The following CAPN13 variants were observed in gnomAD, a reference collection of about 807,000 sequenced individuals.
The protein encoded by CAPN13 is calpain 13.
Under a neutral mutation model 98.4 loss-of-function variants are expected in CAPN13, and 90 were observed. The observed-to-expected ratio is 0.92, with a 90% CI of 0.77 to 1.09. The LOEUF is 1.09. Among genes scored for constraint, CAPN13 ranks in the 50% least tolerant of loss-of-function variants. CAPN13 has a pLI of 0.00. For missense variants in CAPN13, 887 were observed against 841.3 expected, an observed-to-expected ratio of 1.05 and a Z score of -0.67; for synonymous variants, 330 against 305.5, an observed-to-expected ratio of 1.08 and a Z score of -0.84.
Position 30,732,486 on chromosome 2 carries a change from T to C in CAPN13, c.1879A>G (p.Ser627Gly), listed in dbSNP as rs1671153292. 6.2e-7 allele frequency: 1 copy of C among 1,613,368 alleles called. No homozygotes were observed. Among genetic ancestry groups the C allele is most frequent in the Non-Finnish European group, 8.5e-7 (1 of 1,179,710 alleles). ...LRYSDSVGRV[S>G]FPSLVCFLMR... Reference sequence around the variant, plus strand: ...AGGAAGCAGACCAGGCTGGGGAAGCTGACCCTGCCGACGCTGTCGCTGTAC... The same window carrying C: ...AGGAAGCAGACCAGGCTGGGGAAGCCGACCCTGCCGACGCTGTCGCTGTAC... The change falls in exon 20 of 23, where the codon AGC becomes GGC. Residue 627 changes from serine to glycine, a missense_variant. Physicochemically the swap from Ser to Gly is moderately conservative, Grantham distance 56. Coordinates refer to ENST00000295055, the MANE Select transcript of CAPN13 (RefSeq NM_144575.3).
intron 1 of CAPN13, among the ~76,000 whole-genome samples, chr2:30,806,884 AT>A (rs1209863000): frequency 6.6e-6 from 1 of 152,194 alleles, no homozygotes; most frequent in Non-Finnish European, 1.5e-5. Context: ...CCTTTAGCAA[AT>A]GTTTATTAAG....
In CAPN13 at chr2:30,776,061, A is replaced by G; in HGVS notation, c.272-16T>C. The G allele has an allele frequency of 6.4e-7, 1 of 1,574,648 alleles. No individual in the cohort carries two copies. The highest frequency in any genetic ancestry group is 8.7e-7 in the Non-Finnish European group (1 of 1,150,300). The stretch of plus-strand genomic sequence containing the variant: ...CAGCAGTCAGCTGTGAGGGGAGATA[A>G]GCCAGGAAAGGCTGATTGGACACAC... On this transcript the variant is annotated splice_polypyrimidine_tract_variant and intron_variant, in intron 3 of 22. Transcript: ENST00000295055.
At chr2:30,765,966 G>A (rs1332935511) in intron 5 of CAPN13, among the ~76,000 whole-genome samples, 1 of 152,164 alleles carries the variant, frequency 6.6e-6, no homozygotes, top group East Asian at 1.9e-4. Flanking sequence ...GTTAACTGTA[G>A]AGCCTTCTTT....
intron 1 of CAPN13, among the ~76,000 whole-genome samples, chr2:30,800,057 G>C (rs557137159): frequency 1.3e-5 from 2 of 150,386 alleles, no homozygotes; most frequent in Non-Finnish European, 2.9e-5. Context: ...CTGGGCTACA[G>C]AGTGAGACTC....
At chr2:30,767,344 T>A (rs1431323893) in intron 5 of CAPN13, among the ~76,000 whole-genome samples, 3 of 152,196 alleles carry the variant, frequency 2.0e-5, no homozygotes, top group African/African-American at 7.2e-5. Flanking sequence ...AGACATTGTA[T>A]CCTCTGCAGA....
chr2:30,730,104 CAACATCTTG>C (rs1238615215), intron 22 of CAPN13, among the ~76,000 whole-genome samples: 1 of 152,204 alleles, frequency 6.6e-6, no homozygotes, highest in East Asian at 1.9e-4. Flanking sequence ...ATGGGAACCA[CAACATCTTG>C]AGCTCCCCTG....
At chr2:30,741,863 C>T in intron 15 of CAPN13, 45 bp downstream of exon 15, 1 of 1,613,654 alleles carries the variant, frequency 6.2e-7, no homozygotes, top group South Asian at 1.1e-5. Flanking sequence ...CTCAGGTCCC[C>T]TTTCTCCAAT....
intron 15 of CAPN13, 153 bp downstream of exon 15, chr2:30,741,755 G>C: frequency 2.0e-6 from 3 of 1,490,736 alleles, no homozygotes; most frequent in East Asian, 2.5e-5. Context: ...AGCCACAGCA[G>C]TTCTGGAGAC....
chr2:30,736,938 G>A (rs1671396727), intron 17 of CAPN13, among the ~76,000 whole-genome samples: 1 of 152,182 alleles, frequency 6.6e-6, no homozygotes, highest in Non-Finnish European at 1.5e-5. Context: ...AGCCACAGGC[G>A]AGCACATAGA....
At chr2:30,792,723 A>G (rs867478849) in intron 1 of CAPN13, among the ~76,000 whole-genome samples, 3 of 152,102 alleles carry the variant, frequency 2.0e-5, no homozygotes, top group Middle Eastern at 6.8e-3. Context: ...GCTCAGCAAA[A>G]TACTAAAAAC....
rs78542692 is a variant in CAPN13 at position 30,761,416 on chromosome 2, C to T, written c.774+1666G>A. Among the ~76,000 whole-genome samples, 811 of 152,266 alleles carry T rather than the reference C, an allele frequency of 5.3e-3. 2 individuals carry two copies. Among genetic ancestry groups the T allele is most frequent in the African/African-American group, 0.018 (768 of 41,544 alleles). ...GCAGCTGAGCCCACACTTGGACTCCCGAGCTCCCCTTTGTCACCCTAGGTG... is the reference window on the plus strand; with the variant it reads ...GCAGCTGAGCCCACACTTGGACTCCTGAGCTCCCCTTTGTCACCCTAGGTG... On this transcript the variant is annotated intron_variant, in intron 7 of 22. Coordinates refer to ENST00000295055, the MANE Select transcript of CAPN13 (RefSeq NM_144575.3).
intron 1 of CAPN13, among the ~76,000 whole-genome samples, chr2:30,802,678 G>A (rs1466597397): frequency 6.6e-6 from 1 of 152,122 alleles, no homozygotes; most frequent in East Asian, 1.9e-4. Flanking sequence ...AAAGACAGAG[G>A]AAAGAGAGAG....
chr2:30,742,457 C>A, intron 13 of CAPN13, 98 bp from the exon 14 acceptor site: 1 of 1,365,354 alleles, frequency 7.3e-7, no homozygotes, highest in South Asian at 1.2e-5. Context: ...ATATTGATGC[C>A]AAGTTCCTGA....
At chr2:30,757,942 A>C (rs1039442449) in intron 8 of CAPN13, 104 bp downstream of exon 8, 1 of 812,166 alleles carries the variant, frequency 1.2e-6, no homozygotes, top group African/African-American at 1.8e-5. Context: ...ACAGGCCTGC[A>C]GTGAGATGCG....
chr2:30,802,544 G>GT (rs1370546629), intron 1 of CAPN13, among the ~76,000 whole-genome samples: 1 of 11,868 alleles, frequency 8.4e-5, no homozygotes, highest in Non-Finnish European at 1.9e-4. Context: ...AGGCAGGCTG[G>GT]GGGGGGGGGG....
At position 30,740,424 on chromosome 2, in the gene CAPN13, G is replaced by T. The variant is rs1440359234; in HGVS notation, c.1536+1484C>A. ...GTATTAGTTTAAATCTAGTTAAAGT[G>T]GTAGAAAAGATCAGAAGAGAGGACA... On this transcript the variant is annotated intron_variant, in intron 15 of 22. Transcript: ENST00000295055. 1.3e-5 allele frequency among the ~76,000 whole-genome samples: 2 copies of T among 152,328 alleles called. 1 individual carries two copies. The highest frequency in any genetic ancestry group is 4.1e-4 in the South Asian group (2 of 4,820).
chr2:30,759,754 G>T (rs13399268), intron 7 of CAPN13, among the ~76,000 whole-genome samples: 2,046 of 152,276 alleles, frequency 0.013, 41 homozygotes, highest in African/African-American at 0.047. Flanking sequence ...TAAAGTCCGG[G>T]CTCCTAGTTT....
chr2:30,787,231 C>T lies in CAPN13; in HGVS notation c.95G>A (p.Gly32Asp), dbSNP rs1182841214. Residue 32 changes from glycine to aspartate, a missense_variant, in exon 2 of 23, where the codon GGC (glycine) becomes GAC (aspartate). Gly to Asp is a moderately conservative substitution (Grantham distance 94). Transcript: ENST00000295055. ...GAATGTCTCATCCTTAAACGTCCGG[C>T]CCATGCTCAGGCAGTGATCCCGCAA... ...TTLRDHCLSMGRTFKDETFPA... is the reference protein window; with the variant it reads ...TTLRDHCLSMDRTFKDETFPA... 2 of 1,612,162 alleles carry T rather than the reference C, an allele frequency of 1.2e-6. No individual in the cohort carries two copies. Among genetic ancestry groups the T allele is most frequent in the Non-Finnish European group, 1.7e-6 (2 of 1,179,320 alleles).
At chr2:30,799,538 A>T (rs1264280814) in intron 1 of CAPN13, among the ~76,000 whole-genome samples, 2 of 152,220 alleles carry the variant, frequency 1.3e-5, no homozygotes, top group African/African-American at 4.8e-5. Context: ...GAAGAAGTTT[A>T]GGCAGCGCTT....
Sources: gnomAD v4.1 joint callset for allele counts (sites outside exome capture counted in the v4.1 genomes callset) on GRCh38, gnomAD v4.1.1 for gene constraint, MANE v1.5 for transcripts, NCBI Gene and HGNC (gene_info 2026-07-23, HGNC 2026-07-21) for gene names.